The following SLC2A10 variants were observed in gnomAD, a reference collection of about 807,000 sequenced individuals.
The protein encoded by SLC2A10 is solute carrier family 2 member 10.
In SLC2A10, 25 loss-of-function variants were observed where a neutral mutation model predicts 32.1. The ratio of observed to expected loss-of-function variants is 0.78; its 90% CI spans 0.57 to 1.09. The LOEUF (loss-of-function observed/expected upper bound fraction) is 1.09, where lower values mean the gene tolerates loss of function less well. SLC2A10 is among the 50% of genes least tolerant of loss of function. The pLI, the probability that SLC2A10 is intolerant of heterozygous loss-of-function variation, is 0.00. For synonymous variants in SLC2A10, 332 were observed against 309.6 expected (o/e 1.07, Z -0.76); for missense variants, 673 against 686.5 (o/e 0.98, Z 0.22).
In SLC2A10 at chr20:46,725,249, C is replaced by T. The variant is rs772870843; in HGVS notation, c.213C>T (p.Cys71=). 4 of 1,614,042 alleles carry T rather than the reference C, an allele frequency of 2.5e-6. No individual in the cohort carries two copies. In the East Asian group the frequency reaches 8.9e-5, roughly 36 times the overall value. ...TGGTTGGTGGCTTCCTCATTGACTGCTATGGCAGGAAGCAAGCCATCCTCG... is the reference window on the plus strand; with the variant it reads ...TGGTTGGTGGCTTCCTCATTGACTGTTATGGCAGGAAGCAAGCCATCCTCG... ...ASLVGGFLID[C]YGRKQAILGS... The change falls in exon 2 of 5, where the codon TGC becomes TGT. Residue 71 remains cysteine, a synonymous_variant. Coordinates refer to ENST00000359271, the MANE Select transcript of SLC2A10 (RefSeq NM_030777.4).
Position 46,725,037 on chromosome 20 carries a change from T to A in SLC2A10, c.5-4T>A, listed in dbSNP as rs1163703675. On this transcript the variant is annotated splice_region_variant and splice_polypyrimidine_tract_variant and intron_variant, in intron 1 of 4. Transcript: ENST00000359271. ...ACTCTGTCCCTCTCACTTTTGTTTT[T>A]TAGGCCACTCCCCACCTGTCCTGCC... is the stretch of plus-strand genomic sequence containing the variant. 1 of 1,614,120 alleles carries A rather than the reference T, an allele frequency of 6.2e-7. No individual in the cohort carries two copies. Among genetic ancestry groups the A allele is most frequent in the Non-Finnish European group, 8.5e-7 (1 of 1,180,042 alleles).
chr20:46,722,683 C>T (rs528092943), intron 1 of SLC2A10, among the ~76,000 whole-genome samples: 10 of 152,168 alleles, frequency 6.6e-5, no homozygotes, highest in African/African-American at 1.7e-4. Context: ...TGAAATGATG[C>T]GTTTAAAGTT....
chr20:46,719,721 G>A (rs1332178834), intron 1 of SLC2A10, among the ~76,000 whole-genome samples: 1 of 152,184 alleles, frequency 6.6e-6, no homozygotes, highest in African/African-American at 2.4e-5. Context: ...AGCAGGAGAT[G>A]ACATCAAATT....
intron 1 of SLC2A10, among the ~76,000 whole-genome samples, chr20:46,715,027 C>G (rs944185956): frequency 6.6e-6 from 1 of 152,140 alleles, no homozygotes; most frequent in Non-Finnish European, 1.5e-5. Context: ...GTTTGGGAGG[C>G]AGGCAGGTCA....
intron 4 of SLC2A10, 78 bp downstream of exon 4, chr20:46,729,566 G>A: frequency 6.5e-7 from 1 of 1,528,244 alleles, no homozygotes; most frequent in South Asian, 1.1e-5. Context: ...TTTAGTCTTT[G>A]TGCTTTCCTT....
At position 46,725,038 on chromosome 20, in the gene SLC2A10, T is replaced by G; in HGVS notation, c.5-3T>G. 6.2e-7 allele frequency: 1 copy of G among 1,614,254 alleles called. No individual in the cohort carries two copies. The highest frequency in any genetic ancestry group is 2.2e-5 in the East Asian group (1 of 44,892). ...CTCTGTCCCTCTCACTTTTGTTTTT[T>G]AGGCCACTCCCCACCTGTCCTGCCT... On this transcript the variant is annotated splice_region_variant and splice_polypyrimidine_tract_variant and intron_variant, in intron 1 of 4. Transcript: ENST00000359271.
intron 4 of SLC2A10, 144 bp downstream of exon 4, chr20:46,729,632 T>G (rs1008456571): frequency 6.3e-4 from 129 of 203,338 alleles, no homozygotes; most frequent in Non-Finnish European, 8.6e-4. Flanking sequence ...TGAGTTTTTT[T>G]TTTTTTTTTT....
intron 1 of SLC2A10, among the ~76,000 whole-genome samples, chr20:46,724,288 G>C (rs949105850): frequency 6.6e-6 from 1 of 152,160 alleles, no homozygotes; most frequent in East Asian, 1.9e-4. Context: ...AGCACTTCCT[G>C]GCATGTTGTA....
intron 1 of SLC2A10, 61 bp from the exon 2 acceptor site, chr20:46,724,980 A>G (rs932416904): frequency 4.2e-5 from 67 of 1,611,596 alleles, no homozygotes; most frequent in Non-Finnish European, 5.5e-5. Context: ...GGAAGGTTGA[A>G]TGGATGGATG....
rs768345011 is a variant in SLC2A10, at chr20:46,726,977, G to C, written c.1402G>C (p.Asp468His). 1 of 1,614,194 alleles carries C rather than the reference G, an allele frequency of 6.2e-7. No individual in the cohort carries two copies. Among genetic ancestry groups the C allele is most frequent in the South Asian group, 1.1e-5 (1 of 91,078 alleles). ...CCTCTTCATCAGCCTCTCCTTCCTC[G>C]ATCTCATTGGTGAGTCCTTCCCAGA... The part of the protein sequence containing the change: ...ANLFISLSFL[D>H]LIGTIGLSWT... Residue 468 changes from aspartate to histidine, a missense_variant, in exon 3 of 5, where the codon GAT (aspartate) becomes CAT (histidine). Asp to His is a moderately conservative substitution (Grantham distance 81). Coordinates refer to ENST00000359271, the MANE Select transcript of SLC2A10 (RefSeq NM_030777.4).
intron 4 of SLC2A10, among the ~76,000 whole-genome samples, chr20:46,731,868 C>G (rs891240706): frequency 3.9e-5 from 6 of 152,190 alleles, no homozygotes; most frequent in African/African-American, 1.4e-4. Flanking sequence ...ATTTTCACTC[C>G]TGTGTCCTCC....
rs769751925 is a variant in SLC2A10 at position 46,725,571 on chromosome 20, T to C, written c.535T>C (p.Ser179Pro). The change falls in exon 2 of 5, where the codon TCC becomes CCC. Residue 179 changes from serine (S) to proline (P), a missense_variant. Physicochemically the swap from Ser to Pro is moderately conservative, Grantham distance 74 (BLOSUM62 -1). Coordinates refer to ENST00000359271, the MANE Select transcript of SLC2A10 (RefSeq NM_030777.4). Reference sequence around the variant, plus strand: ...GGCCACTGCACCTGCTGTCCTGCAATCCCTCAGCCTCCTCTTCCTCCCTGC... The same window carrying C: ...GGCCACTGCACCTGCTGTCCTGCAACCCCTCAGCCTCCTCTTCCTCCCTGC... Reference protein sequence around the residue: ...GWATAPAVLQSLSLLFLPAGT... With the variant: ...GWATAPAVLQPLSLLFLPAGT... 1.2e-6 allele frequency: 2 copies of C among 1,614,158 alleles called. No individual in the cohort carries two copies. Among genetic ancestry groups the C allele is most frequent in the South Asian group, 2.2e-5 (2 of 91,080 alleles).
Position 46,733,998 on chromosome 20 carries a change from G to A in SLC2A10, c.*164G>A. ...TGGGGTAAAAAGGATGAAAGTCTGA[G>A]AATGCCCAACTCTTCATTTTGAGTC... is the stretch of plus-strand genomic sequence containing the variant. On this transcript the variant is annotated 3_prime_UTR_variant, in exon 5 of 5. Transcript: ENST00000359271. The A allele has an allele frequency of 4.3e-6, 3 of 701,072 alleles. No homozygotes were observed. The highest frequency in any genetic ancestry group is 7.7e-6 in the Non-Finnish European group (3 of 391,402). 43.4% of individuals were successfully genotyped at this position (701,072 alleles called of 1,614,324 possible).
Sources: gnomAD v4.1 joint callset for allele counts (sites outside exome capture counted in the v4.1 genomes callset) on GRCh38, gnomAD v4.1.1 for gene constraint, MANE v1.5 for transcripts, NCBI Gene and HGNC (gene_info 2026-07-23, HGNC 2026-07-21) for gene names.